PNOC: variants seen among roughly 807,000 people sequenced by gnomAD.
PNOC encodes the protein prepronociceptin.
PNOC carries 10 observed loss-of-function variants against 15.6 expected under a neutral mutation model. That is an observed-to-expected ratio of 0.64 (90% CI 0.40 to 1.09). The LOEUF (loss-of-function observed/expected upper bound fraction) is 1.09. Ranked by LOEUF, PNOC falls within the 50% of genes least tolerant of loss-of-function variation. PNOC has a pLI of 0.01. For synonymous variants in PNOC, 98 were observed against 88.5 expected, an observed-to-expected ratio of 1.11 and a Z score of -0.60; for missense variants, 220 against 223.9, an observed-to-expected ratio of 0.98 and a Z score of 0.11.
intron 1 of PNOC, among the ~76,000 whole-genome samples, chr8:28,322,168 C>A (rs900459757): frequency 2.0e-5 from 3 of 152,084 alleles, no homozygotes; most frequent in African/African-American, 7.2e-5. Context: ...GCGGGAGGAT[C>A]ATTCGAGGTC....
chr8:28,328,654 C>A (rs569829803), intron 1 of PNOC, among the ~76,000 whole-genome samples: 3 of 152,228 alleles, frequency 2.0e-5, no homozygotes, highest in African/African-American at 7.2e-5. Flanking sequence ...CCTTACAGAT[C>A]TCATTTCATC....
chr8:28,322,260 C>T (rs998100985), intron 1 of PNOC, among the ~76,000 whole-genome samples: 41 of 151,770 alleles, frequency 2.7e-4, no homozygotes, highest in African/African-American at 8.5e-4. Context: ...GGCATGGTGG[C>T]GGGCACCTGT....
intron 1 of PNOC, among the ~76,000 whole-genome samples, chr8:28,322,999 G>A (rs1223230989): frequency 2.6e-5 from 4 of 152,222 alleles, no homozygotes; most frequent in African/African-American, 9.6e-5. Context: ...GGATGGAGGT[G>A]TATCTGCCTC....
At chr8:28,320,392 G>A (rs1002617252) in intron 1 of PNOC, among the ~76,000 whole-genome samples, 3 of 152,208 alleles carry the variant, frequency 2.0e-5, no homozygotes, top group Admixed American at 6.5e-5. Flanking sequence ...AGCACAGGGT[G>A]GCCAGAGCGC....
At chr8:28,339,610 C>T (rs541383168) in intron 3 of PNOC, 119 bp downstream of exon 3, 45 of 796,824 alleles carry the variant, frequency 5.6e-5, no homozygotes, top group Non-Finnish European at 7.3e-5. Context: ...TCCACACACA[C>T]ACACCCCGCA....
At chr8:28,338,138 A>G (rs1422203634) in intron 2 of PNOC, among the ~76,000 whole-genome samples, 1 of 152,202 alleles carries the variant, frequency 6.6e-6, no homozygotes, top group Non-Finnish European at 1.5e-5. Context: ...CAGCCGGCTA[A>G]GGCCAGAAAC....
At chr8:28,319,896 C>G (rs1049781447) in intron 1 of PNOC, among the ~76,000 whole-genome samples, 1 of 151,994 alleles carries the variant, frequency 6.6e-6, no homozygotes, top group Non-Finnish European at 1.5e-5. Context: ...ATTTTCTAAA[C>G]GCCTTTATTT....
intron 1 of PNOC, among the ~76,000 whole-genome samples, chr8:28,318,194 G>A (rs968152895): frequency 6.6e-6 from 1 of 151,866 alleles, no homozygotes; most frequent in Non-Finnish European, 1.5e-5. Flanking sequence ...TTGCTTCCCC[G>A]GCTTCACTAC....
chr8:28,324,448 C>T (rs1484126470), intron 1 of PNOC, among the ~76,000 whole-genome samples: 1 of 152,232 alleles, frequency 6.6e-6, no homozygotes, highest in South Asian at 2.1e-4. Context: ...GGCTCCTTTT[C>T]TCCTCCCTTC....
chr8:28,342,997 A>C lies in PNOC; in HGVS notation c.*103A>C. 1 of 985,410 alleles carries C rather than the reference A, an allele frequency of 1.0e-6. No individual in the cohort carries two copies. The highest frequency in any genetic ancestry group is 1.2e-6 in the Non-Finnish European group (1 of 829,890). The allele number at this position is 985,410 out of a possible 1,614,324, so 61.0% of individuals were successfully genotyped here. A position where few individuals can be genotyped will look rare whatever the true frequency, so the allele number is the denominator to read the frequency against. On this transcript the variant is annotated 3_prime_UTR_variant, in exon 4 of 4. Transcript: ENST00000301908. ...CTCAGCCCCAGACCTGCCGCCTGGG[A>C]ATCAGGATTCCTTCTTCCCCAAGGC... is the stretch of plus-strand genomic sequence containing the variant.
intron 2 of PNOC, among the ~76,000 whole-genome samples, chr8:28,334,336 C>T (rs967237164): frequency 1.3e-5 from 2 of 152,170 alleles, no homozygotes; most frequent in Non-Finnish European, 2.9e-5. Flanking sequence ...GCTTCTTCCT[C>T]CTCAGAGCAA....
At chr8:28,329,993 C>T (rs891877517) in intron 2 of PNOC, among the ~76,000 whole-genome samples, 2 of 152,112 alleles carry the variant, frequency 1.3e-5, no homozygotes, top group African/African-American at 4.8e-5. Context: ...GTCACTCAGG[C>T]TGGAATGCAG....
intron 1 of PNOC, among the ~76,000 whole-genome samples, chr8:28,324,410 C>T (rs1175764398): frequency 6.6e-6 from 1 of 152,224 alleles, no homozygotes; most frequent in Non-Finnish European, 1.5e-5. Flanking sequence ...TTCTGTATTA[C>T]AACCTCATAT....
At chr8:28,341,682 A>G (rs1423661979) in intron 3 of PNOC, among the ~76,000 whole-genome samples, 2 of 152,224 alleles carry the variant, frequency 1.3e-5, no homozygotes, top group Non-Finnish European at 2.9e-5. Flanking sequence ...AAAGCCAGTA[A>G]GGAGCTTCTG....
Position 28,329,153 on chromosome 8 carries a change from G to A in PNOC, c.-5G>A. 1 of 1,613,338 alleles carries A rather than the reference G, an allele frequency of 6.2e-7. No individual in the cohort carries two copies. The highest frequency in any genetic ancestry group is 8.5e-7 in the Non-Finnish European group (1 of 1,179,968). On this transcript the variant is annotated 5_prime_UTR_variant, in exon 2 of 4. Transcript: ENST00000301908. ...GTTCCAGCACCTGCTTCCTGCTCCT[G>A]CACCATGAAAGTCCTGCTTTGTGAC... is the stretch of plus-strand genomic sequence containing the variant.
chr8:28,330,195 C>T (rs1801298212), intron 2 of PNOC, among the ~76,000 whole-genome samples: 1 of 151,938 alleles, frequency 6.6e-6, no homozygotes, highest in African/African-American at 2.4e-5. Flanking sequence ...ATCCACCCAC[C>T]TCATCCTCCC....
chr8:28,324,146 A>G (rs1400477259), intron 1 of PNOC, among the ~76,000 whole-genome samples: 3 of 152,214 alleles, frequency 2.0e-5, no homozygotes, highest in Non-Finnish European at 2.9e-5. Context: ...CCTAAGTGCC[A>G]AGCTGCAGGG....
chr8:28,337,445 A>T (rs1801429780), intron 2 of PNOC, among the ~76,000 whole-genome samples: 1 of 151,958 alleles, frequency 6.6e-6, no homozygotes, highest in South Asian at 2.1e-4. Context: ...GATTACAGGC[A>T]GCCATCACCA....
chr8:28,318,101 T>C (rs562637474), intron 1 of PNOC, among the ~76,000 whole-genome samples: 1 of 152,234 alleles, frequency 6.6e-6, no homozygotes, highest in African/African-American at 2.4e-5. Flanking sequence ...ACTCCGTTCA[T>C]AGTCACCGCA....
Sources: allele counts gnomAD v4.1 joint callset (sites outside exome capture counted in the v4.1 genomes callset), GRCh38; gene constraint gnomAD v4.1.1; transcripts MANE v1.5; gene names NCBI Gene and HGNC (gene_info 2026-07-23, HGNC 2026-07-21).